HOOK1: variants seen among roughly 807,000 people sequenced by gnomAD.
HOOK1 encodes the protein hook microtubule tethering protein 1, also known as protein Hook homolog 1.
Under a neutral mutation model 112.8 loss-of-function variants are expected in HOOK1, and 60 were observed. The observed-to-expected ratio is 0.53, with a 90% confidence interval of 0.43 to 0.66. The LOEUF (loss-of-function observed/expected upper bound fraction) is 0.66, where lower values mean the gene tolerates loss of function less well. Among genes scored for constraint, HOOK1 ranks in the 30% least tolerant of loss-of-function variants. The pLI is 0.00. For synonymous variants in HOOK1, 294 were observed against 283.8 expected (o/e 1.04, Z -0.36); for missense variants, 770 against 856.0 (o/e 0.90, Z 1.25).
At chr1:59,815,258 G>C in intron 1 of HOOK1, 78 bp downstream of exon 1, 3 of 1,355,492 alleles carry the variant, frequency 2.2e-6, no homozygotes, top group Non-Finnish European at 3.0e-6. Context: ...TCTCCCAGGT[G>C]AGCTGGGGCT....
Position 59,860,267 on chromosome 1 carries a change from G to A in HOOK1, c.1471G>A (p.Glu491Lys). Residue 491 changes from glutamate to lysine, a missense_variant, in exon 15 of 22, where the codon GAA becomes AAA. Around this residue, in one of 3 missense-constraint regions of HOOK1, gnomAD observed 655 missense variants for 725.9 expected, o/e 0.90. Coordinates refer to ENST00000371208, the MANE Select transcript of HOOK1 (RefSeq NM_015888.6). ...AGGCTCTGAGAATGAACGTATTGAGGAACTTCAGGAGCAGCTAGAACAGAA... is the reference window on the plus strand; with the variant it reads ...AGGCTCTGAGAATGAACGTATTGAGAAACTTCAGGAGCAGCTAGAACAGAA... ...QEGSENERIE[E>K]LQEQLEQKHR... 1 of 1,610,958 alleles carries A rather than the reference G, an allele frequency of 6.2e-7. No homozygotes were observed. The highest frequency in any genetic ancestry group is 8.5e-7 in the Non-Finnish European group (1 of 1,178,152).
chr1:59,864,391 TTTTC>T, intron 16 of HOOK1, among the ~76,000 whole-genome samples: 1 of 152,054 alleles, frequency 6.6e-6, no homozygotes, highest in Admixed American at 6.6e-5. Flanking sequence ...CATGAGGCAT[TTTTC>T]TTTCTGTTTT....
At chr1:59,841,125 A>G (rs981373401) in intron 8 of HOOK1, among the ~76,000 whole-genome samples, 3 of 152,186 alleles carry the variant, frequency 2.0e-5, no homozygotes, top group Admixed American at 6.6e-5. Flanking sequence ...AGCCTGGCAC[A>G]GAAGTGCTGT....
In HOOK1 at chr1:59,874,549, C is replaced by G. The variant is rs1439379725; in HGVS notation, c.*1584C>G. ...AAAGAGTAAATACTTTAGTAAATGT[C>G]TTAGGCTTTGTGGCCTACATGATCT... On this transcript the variant is annotated 3_prime_UTR_variant, in exon 22 of 22. Coordinates refer to ENST00000371208, the MANE Select transcript of HOOK1 (RefSeq NM_015888.6). 1 of 152,128 alleles carries G rather than the reference C, an allele frequency of 6.6e-6. No homozygotes were observed. Among genetic ancestry groups the G allele is most frequent in the African/African-American group, 2.4e-5 (1 of 41,436 alleles). The allele number at this position is 152,128 out of a possible 1,614,324, so 9.4% of individuals were successfully genotyped here. A position where few individuals can be genotyped will look rare whatever the true frequency, so the allele number is the denominator to read the frequency against.
rs1277726543 is a variant in HOOK1, at chr1:59,874,148, T to C, written c.*1183T>C. The C allele has an allele frequency of 6.6e-6, 1 of 152,132 alleles. No homozygotes were observed. Among genetic ancestry groups the C allele is most frequent in the Non-Finnish European group, 1.5e-5 (1 of 67,988 alleles). 9.4% of individuals were successfully genotyped at this position (152,132 alleles called of 1,614,324 possible). A position where few individuals can be genotyped will look rare whatever the true frequency, so the allele number is the denominator to read the frequency against. ...AATTTAAATTTAATTAATTATAAACTCAGTCTCTTGGTTGCACCAGCCACA... is the reference window on the plus strand; with the variant it reads ...AATTTAAATTTAATTAATTATAAACCCAGTCTCTTGGTTGCACCAGCCACA... On this transcript the variant is annotated 3_prime_UTR_variant, in exon 22 of 22. Transcript: ENST00000371208.
Position 59,847,097 on chromosome 1 carries a change from C to G in HOOK1, c.841C>G (p.Gln281Glu). 1 of 1,608,914 alleles carries G rather than the reference C, an allele frequency of 6.2e-7. No homozygotes were observed. The highest frequency in any genetic ancestry group is 8.5e-7 in the Non-Finnish European group (1 of 1,177,062). The change falls in exon 10 of 22, where the codon CAG becomes GAG. Residue 281 changes from glutamine to glutamate, a missense_variant. Around this residue, in one of 3 missense-constraint regions of HOOK1, gnomAD observed 655 missense variants for 725.9 expected, o/e 0.90. Coordinates refer to ENST00000371208, the MANE Select transcript of HOOK1 (RefSeq NM_015888.6). ...YRVHCEELEK[Q>E]LIEFQHRNDE... is the part of the protein sequence containing the mutation. ...TGTTCACTGTGAAGAACTTGAAAAGCAGCTAATCGAATTCCAGCATAGGAA... is the reference window on the plus strand; with the variant it reads ...TGTTCACTGTGAAGAACTTGAAAAGGAGCTAATCGAATTCCAGCATAGGAA...
chr1:59,862,883 TA>T lies in HOOK1; in HGVS notation c.1626+8del. 1 of 1,520,940 alleles carries T rather than the reference TA, an allele frequency of 6.6e-7. No homozygotes were observed. Among genetic ancestry groups the T allele is most frequent in the Non-Finnish European group, 9.1e-7 (1 of 1,095,580 alleles). 94.2% of individuals were successfully genotyped at this position (1,520,940 alleles called of 1,614,324 possible). A position where few individuals can be genotyped will look rare whatever the true frequency, so the allele number is the denominator to read the frequency against. ...CCAAGTCTGAAGGCGAAAGTGTAAG[TA>T]ACTTAGAAATTATAATAATTCTGCT... On this transcript the variant is annotated splice_region_variant and intron_variant, in intron 16 of 21. Coordinates refer to ENST00000371208, the MANE Select transcript of HOOK1 (RefSeq NM_015888.6).
At chr1:59,837,691 A>G (rs540546460) in intron 7 of HOOK1, among the ~76,000 whole-genome samples, 66 of 152,158 alleles carry the variant, frequency 4.3e-4, no homozygotes, top group Admixed American at 2.0e-3. Flanking sequence ...AACAAAGACA[A>G]CAATTTTTTT....
Position 59,836,857 on chromosome 1 carries a change from T to G in HOOK1, c.475-16T>G. The G allele has an allele frequency of 2.1e-6, 3 of 1,399,874 alleles. No individual in the cohort carries two copies. In the South Asian group the frequency reaches 3.7e-5, roughly 17 times the overall value. 86.7% of individuals were successfully genotyped at this position (1,399,874 alleles called of 1,614,324 possible). The stretch of plus-strand genomic sequence containing the variant: ...ATCACATTGTTATACTTAATTTTAT[T>G]ATTTTAATTTCCTAGTTGATGAGTA... On this transcript the variant is annotated splice_polypyrimidine_tract_variant and intron_variant, in intron 6 of 21. Transcript: ENST00000371208.
At chr1:59,833,281 T>A (rs1170998253) in intron 4 of HOOK1, 124 bp from the exon 5 acceptor site, 2 of 752,754 alleles carry the variant, frequency 2.7e-6, no homozygotes, top group African/African-American at 3.6e-5. Context: ...ATTATTTATT[T>A]GTCATTTGTT....
At chr1:59,823,059 G>A (rs992351288) in intron 2 of HOOK1, among the ~76,000 whole-genome samples, 1 of 152,182 alleles carries the variant, frequency 6.6e-6, no homozygotes, top group Non-Finnish European at 1.5e-5. Flanking sequence ...GGTGGCTCAA[G>A]CCTGTAATCC....
rs2098412153 is a variant in HOOK1, at chr1:59,859,004, T to C, written c.1350T>C (p.Ser450=). 2 of 1,576,934 alleles carry C rather than the reference T, an allele frequency of 1.3e-6. No individual in the cohort carries two copies. Among genetic ancestry groups the C allele is most frequent in the Admixed American group, 1.7e-5 (1 of 58,362 alleles). ...LNQTDASATK[S]YENLAAEIMP... is the part of the protein sequence containing the mutation. ...TTTTAGATGCATCTGCTACAAAAAG[T>C]TATGAGAATCTTGCTGCTGAGATTA... The change falls in exon 14 of 22, where the codon AGT becomes AGC. Residue 450 remains serine (S), a synonymous_variant. Coordinates refer to ENST00000371208, the MANE Select transcript of HOOK1 (RefSeq NM_015888.6).
At position 59,860,845 on chromosome 1, in the gene HOOK1, C is replaced by T. The variant is rs568316386; in HGVS notation, c.1532+517C>T. The stretch of plus-strand genomic sequence containing the variant: ...CTAGAGTGCAGTAGCGCGATCTCGG[C>T]TCACTGCAACTTCCGCCTCACGGGT... On this transcript the variant is annotated intron_variant, in intron 15 of 21. Coordinates refer to ENST00000371208, the MANE Select transcript of HOOK1 (RefSeq NM_015888.6). 4.0e-5 allele frequency among the ~76,000 whole-genome samples: 6 copies of T among 151,516 alleles called. No individual in the cohort carries two copies. In the South Asian group the frequency reaches 6.2e-4, roughly 16 times the overall value.
chr1:59,820,983 C>T (rs879938306), intron 1 of HOOK1, among the ~76,000 whole-genome samples: 1 of 152,116 alleles, frequency 6.6e-6, no homozygotes, highest in East Asian at 1.9e-4. Flanking sequence ...TGCACAGAAC[C>T]ATTAAAAGTG....
At chr1:59,863,005 A>G in intron 16 of HOOK1, 128 bp downstream of exon 16, 2 of 527,288 alleles carry the variant, frequency 3.8e-6, no homozygotes, top group Non-Finnish European at 7.0e-6. Context: ...AATACCGTAT[A>G]TATCTGCATA....
intron 2 of HOOK1, among the ~76,000 whole-genome samples, chr1:59,827,034 G>A (rs2098390489): frequency 6.6e-6 from 1 of 152,144 alleles, no homozygotes; most frequent in Non-Finnish European, 1.5e-5. Flanking sequence ...CAAAGCGCTG[G>A]GATTACAGGC....
At chr1:59,843,316 C>A in intron 8 of HOOK1, 116 bp from the exon 9 acceptor site, 1 of 618,256 alleles carries the variant, frequency 1.6e-6, no homozygotes, top group Non-Finnish European at 2.7e-6. Context: ...GTATGACAGA[C>A]CAAGCTATTT....
chr1:59,833,338 A>G, intron 4 of HOOK1, 67 bp from the exon 5 acceptor site: 1 of 1,115,754 alleles, frequency 9.0e-7, no homozygotes. Flanking sequence ...TTTCATTGTA[A>G]TATTAAATGT....
intron 12 of HOOK1, among the ~76,000 whole-genome samples, chr1:59,855,966 T>TATATATATA (rs1553464155): frequency 3.5e-4 from 25 of 71,242 alleles, no homozygotes; most frequent in East Asian, 1.4e-3. Flanking sequence ...ATATAAATTA[T>TATATATATA]TATATATATA....
Sources: gnomAD v4.1 joint callset for allele counts (sites outside exome capture counted in the v4.1 genomes callset) on GRCh38, gnomAD v4.1.1 for gene constraint, gnomAD v4.1.1 regional missense constraint, MANE v1.5 for transcripts, NCBI Gene and HGNC (gene_info 2026-07-23, HGNC 2026-07-21) for gene names.